The following PDS5A variants were observed in gnomAD, a reference collection of about 807,000 sequenced individuals.
PDS5A encodes PDS5 cohesin associated factor A.
A neutral mutation model predicts 167.1 loss-of-function variants in PDS5A; 42 were observed. The observed-to-expected ratio is 0.25, with a 90% CI of 0.20 to 0.33. PDS5A has a LOEUF of 0.33. PDS5A is among the 10% of genes least tolerant of loss of function. The probability of loss-of-function intolerance (pLI) is 1.00; values close to 1 mark genes in which losing one functional copy is unlikely to be tolerated. For synonymous variants in PDS5A, 553 were observed against 554.6 expected (o/e 1.00, Z 0.04); for missense variants, 1,033 against 1,605.9 (o/e 0.64, Z 6.10).
At chr4:39,921,888 A>G (rs1426019610) in intron 6 of PDS5A, among the ~76,000 whole-genome samples, 1 of 152,254 alleles carries the variant, frequency 6.6e-6, no homozygotes, top group East Asian at 1.9e-4. Flanking sequence ...ATTTGAATTA[A>G]TAAAATGTAA....
intron 26 of PDS5A, among the ~76,000 whole-genome samples, chr4:39,852,421 C>T (rs1718195584): frequency 6.6e-6 from 1 of 152,066 alleles, no homozygotes; most frequent in Admixed American, 6.6e-5. Flanking sequence ...CTTCTTCTTG[C>T]CTTATCCAAG....
Position 39,927,990 on chromosome 4 carries a change from C to T in PDS5A, c.313G>A (p.Ala105Thr). 1 of 1,613,572 alleles carries T rather than the reference C, an allele frequency of 6.2e-7. No homozygotes were observed. Among genetic ancestry groups the T allele is most frequent in the Non-Finnish European group, 8.5e-7 (1 of 1,179,614 alleles). ...AGTTTATCATGGGAAGTATATGGAGCTTCTGGGGCATAGATACGAAAGATA... is the reference window on the plus strand; with the variant it reads ...AGTTTATCATGGGAAGTATATGGAGTTTCTGGGGCATAGATACGAAAGATA... ...ADIFRIYAPE[A>T]PYTSHDKLKD... Residue 105 changes from alanine (A) to threonine (T), a missense_variant, in exon 3 of 33, where the codon GCT becomes ACT. By Grantham distance (58) the Ala-to-Thr change is moderately conservative. Coordinates refer to ENST00000303538, the MANE Select transcript of PDS5A (RefSeq NM_001100399.2).
At chr4:39,976,900 G>A (rs964209388) in intron 1 of PDS5A, among the ~76,000 whole-genome samples, 1 of 152,134 alleles carries the variant, frequency 6.6e-6, no homozygotes. Context: ...CCACCCCCGA[G>A]CACCAGGGTC....
At chr4:39,843,190 G>A (rs1241829379) in intron 30 of PDS5A, among the ~76,000 whole-genome samples, 1 of 151,032 alleles carries the variant, frequency 6.6e-6, no homozygotes, top group African/African-American at 2.4e-5. Flanking sequence ...TTTTTATTAA[G>A]AGACAGGGTC....
At chr4:39,949,381 AC>A (rs1728106314) in intron 2 of PDS5A, among the ~76,000 whole-genome samples, 1 of 151,926 alleles carries the variant, frequency 6.6e-6, no homozygotes, top group Non-Finnish European at 1.5e-5. Flanking sequence ...GCCACAACAG[AC>A]CACTTGCTTA....
At chr4:39,858,289 G>C (rs752811802) in intron 26 of PDS5A, among the ~76,000 whole-genome samples, 2 of 152,164 alleles carry the variant, frequency 1.3e-5, no homozygotes, top group Non-Finnish European at 2.9e-5. Context: ...AAAAAGAACA[G>C]AAATCAGACT....
chr4:39,861,186 TGC>T (rs1718960196), intron 26 of PDS5A, among the ~76,000 whole-genome samples: 1 of 151,468 alleles, frequency 6.6e-6, no homozygotes, highest in Admixed American at 6.6e-5. Flanking sequence ...GGTTGCCAAG[TGC>T]GGTGGCTCAC....
intron 9 of PDS5A, among the ~76,000 whole-genome samples, chr4:39,912,184 T>C (rs1723953008): frequency 6.6e-6 from 1 of 152,218 alleles, no homozygotes; most frequent in South Asian, 2.1e-4. Flanking sequence ...CTTAACGCTA[T>C]AATTATGGAA....
At chr4:39,834,798 A>G (rs770813962) in intron 32 of PDS5A, among the ~76,000 whole-genome samples, 1 of 152,104 alleles carries the variant, frequency 6.6e-6, no homozygotes, top group Non-Finnish European at 1.5e-5. Flanking sequence ...ATTGTGTACA[A>G]CCATTACCAC....
At chr4:39,895,558 G>T (rs1006870621) in intron 16 of PDS5A, among the ~76,000 whole-genome samples, 1 of 152,156 alleles carries the variant, frequency 6.6e-6, no homozygotes, top group Non-Finnish European at 1.5e-5. Context: ...AGTGGTGAGT[G>T]AATGTGAAGA....
chr4:39,894,118 C>CA (rs1309689809), intron 16 of PDS5A, among the ~76,000 whole-genome samples: 6 of 152,120 alleles, frequency 3.9e-5, no homozygotes, highest in Admixed American at 3.9e-4. Flanking sequence ...CTCAGAAGTA[C>CA]AAAGCTTATT....
chr4:39,887,720 A>C (rs1320569640), intron 17 of PDS5A, among the ~76,000 whole-genome samples: 1 of 152,184 alleles, frequency 6.6e-6, no homozygotes, highest in Non-Finnish European at 1.5e-5. Flanking sequence ...AAATAGAAAA[A>C]TAGGATTACA....
chr4:39,876,906 T>C, intron 19 of PDS5A, 87 bp downstream of exon 19: 2 of 977,770 alleles, frequency 2.0e-6, no homozygotes, highest in Non-Finnish European at 3.0e-6. Context: ...TTCCCTCCTA[T>C]CTTCCTACAC....
rs148452171 is a variant in PDS5A at position 39,970,276 on chromosome 4, G to A, written c.138+6164C>T. Among the ~76,000 whole-genome samples the A allele has an allele frequency of 1.2e-3, 189 of 152,016 alleles. 1 individual carries two copies. The highest frequency in any genetic ancestry group is 2.0e-3 in the Admixed American group (30 of 15,272). ...ACATGGCATGTTCAGGAAACCAACCGAAGACCACTGTGGCCTGACATAACA... is the reference window on the plus strand; with the variant it reads ...ACATGGCATGTTCAGGAAACCAACCAAAGACCACTGTGGCCTGACATAACA... On this transcript the variant is annotated intron_variant, in intron 2 of 32. Coordinates refer to ENST00000303538, the MANE Select transcript of PDS5A (RefSeq NM_001100399.2).
chr4:39,925,797 GA>G, intron 5 of PDS5A, 38 bp downstream of exon 5: 1 of 791,660 alleles, frequency 1.3e-6, no homozygotes. Context: ...ACATAATCAA[GA>G]AAAAGAGACA....
intron 17 of PDS5A, among the ~76,000 whole-genome samples, chr4:39,880,483 T>C (rs1486763215): frequency 6.6e-6 from 1 of 152,154 alleles, no homozygotes; most frequent in Non-Finnish European, 1.5e-5. Flanking sequence ...ATGTGACTTC[T>C]GGTTTTGAGA....
chr4:39,876,692 CATT>C (rs556395360), intron 19 of PDS5A, among the ~76,000 whole-genome samples: 177 of 152,274 alleles, frequency 1.2e-3, no homozygotes, highest in Admixed American at 1.9e-3. Context: ...ATTAGAAAGA[CATT>C]AGTCATAAAT....
intron 2 of PDS5A, among the ~76,000 whole-genome samples, chr4:39,942,334 C>T (rs1395673881): frequency 2.0e-5 from 3 of 152,080 alleles, no homozygotes; most frequent in African/African-American, 2.4e-5. Context: ...TCACAGAGTT[C>T]GACACTTTTT....
chr4:39,927,215 T>C (rs1303566011), intron 3 of PDS5A, among the ~76,000 whole-genome samples: 1 of 152,196 alleles, frequency 6.6e-6, no homozygotes, highest in Non-Finnish European at 1.5e-5. Context: ...GAGTTGGATA[T>C]GAGTATTTCC....
Sources: allele counts gnomAD v4.1 joint callset (sites outside exome capture counted in the v4.1 genomes callset), GRCh38; gene constraint gnomAD v4.1.1; transcripts MANE v1.5; gene names NCBI Gene and HGNC (gene_info 2026-07-23, HGNC 2026-07-21).